ERICH1: variants seen among roughly 807,000 people sequenced by gnomAD.
ERICH1 encodes glutamate-rich protein 1.
In ERICH1, 56 loss-of-function variants were observed where a neutral mutation model predicts 39.6. That is an observed-to-expected ratio of 1.41 (90% CI 1.14 to 1.77). The LOEUF (loss-of-function observed/expected upper bound fraction) is 1.77, where lower values mean the gene tolerates loss of function less well. ERICH1 is among the 40% of genes most tolerant of loss of function. The pLI is 0.00. For missense variants in ERICH1, 826 were observed against 575.4 expected, an observed-to-expected ratio of 1.44 and a Z score of -4.45; for synonymous variants, 313 against 223.6, an observed-to-expected ratio of 1.40 and a Z score of -3.57.
intron 3 of ERICH1, among the ~76,000 whole-genome samples, chr8:618,240 G>A (rs547937980): frequency 2.0e-4 from 31 of 151,300 alleles, no homozygotes; most frequent in Admixed American, 3.3e-4. Context: ...CTGAGTGCTC[G>A]GTACTTGGTC....
At chr8:698,894 T>C (rs1175907947) in intron 2 of ERICH1, among the ~76,000 whole-genome samples, 2 of 121,928 alleles carry the variant, frequency 1.6e-5, no homozygotes, top group Non-Finnish European at 3.3e-5. Context: ...TGGTTGTCTC[T>C]GTGAGTTTTT....
intron 1 of ERICH1, among the ~76,000 whole-genome samples, chr8:727,732 A>AGCCGG (rs932320816): frequency 1.1e-4 from 16 of 152,252 alleles, no homozygotes; most frequent in African/African-American, 3.8e-4. Context: ...CAGAAGGCCC[A>AGCCGG]GCCGGGCCAG....
intron 1 of ERICH1, 113 bp from the exon 2 acceptor site, chr8:716,120 C>G: frequency 7.5e-7 from 1 of 1,326,800 alleles, no homozygotes; most frequent in Non-Finnish European, 1.0e-6. Context: ...AAAGCACCAA[C>G]GGAGACCCAA....
chr8:645,728 GTCCCCCCACC>G lies in ERICH1; in HGVS notation c.976+22860_976+22869del, dbSNP rs1385509665. On this transcript the variant is annotated intron_variant, in intron 3 of 3. Transcript: ENST00000522706. The stretch of plus-strand genomic sequence containing the variant: ...GGCTGGTCTCAAACTCCTGGAAGCA[GTCCCCCCACC>G]TCAGCCTCCCAAAGTGCTGGGATTA... Among the ~76,000 whole-genome samples the G allele has an allele frequency of 7.3e-5, 5 of 68,896 alleles. 2 individuals carry two copies. The highest frequency in any genetic ancestry group is 1.1e-4 in the African/African-American group (3 of 27,336). The allele number at this position is 68,896 out of a possible 152,430, so 45.2% of individuals were successfully genotyped here.
At chr8:660,912 C>T (rs528227429), downstream of ERICH1, among the ~76,000 whole-genome samples, 581 of 152,170 alleles carry the variant, frequency 3.8e-3, 8 homozygotes, top group African/African-American at 0.013. Flanking sequence ...CCTGCTCCTC[C>T]GCTGGGTCCT....
At chr8:660,606 C>T (rs1399960180), downstream of ERICH1, among the ~76,000 whole-genome samples, 2 of 152,156 alleles carry the variant, frequency 1.3e-5, no homozygotes, top group African/African-American at 2.4e-5. Flanking sequence ...CAAATGGTGT[C>T]GTTTCAAGCC....
In ERICH1 at chr8:656,956, A is replaced by C. The variant is rs192533604; in HGVS notation, c.976+11642T>G. 1.0e-4 allele frequency: 67 copies of C among 655,014 alleles called. 1 individual carries two copies. The African/African-American group carries it at 1.2e-3, about 12-fold the overall frequency. The allele number at this position is 655,014 out of a possible 1,614,324, so 40.6% of individuals were successfully genotyped here. A position where few individuals can be genotyped will look rare whatever the true frequency, so the allele number is the denominator to read the frequency against. ...AACCTAAATAATGCATTTTAGTGCA[A>C]AATAATTTTTAAGAGCAAACAATTT... On this transcript the variant is annotated intron_variant, in intron 3 of 3. Coordinates refer to the ERICH1 transcript ENST00000522706.
rs1197580137 is a variant in ERICH1, at chr8:713,378, C to A, written c.169+2483G>T. On this transcript the variant is annotated intron_variant, in intron 2 of 5. Coordinates refer to ENST00000262109, the MANE Select transcript of ERICH1 (RefSeq NM_207332.3). ...GCAGTCATTTACTCCTTAATTGGAA[C>A]GTTATCCTACTACACTGGGAGCTTG... 2.0e-5 allele frequency among the ~76,000 whole-genome samples: 3 copies of A among 152,312 alleles called. No individual in the cohort carries two copies. The South Asian group carries it at 6.2e-4, about 32-fold the overall frequency.
At chr8:696,058 C>T (rs188118380) in intron 2 of ERICH1, among the ~76,000 whole-genome samples, 392 of 19,512 alleles carry the variant, frequency 0.02, 177 homozygotes, top group African/African-American at 0.13. Flanking sequence ...CATCAACCTG[C>T]GCCTGTGCTG....
At chr8:660,002 G>T (rs1801179754), downstream of ERICH1, among the ~76,000 whole-genome samples, 1 of 152,244 alleles carries the variant, frequency 6.6e-6, no homozygotes, top group African/African-American at 2.4e-5. Flanking sequence ...GCCCCCCAAG[G>T]GAAGGGGGCA....
intron 3 of ERICH1, among the ~76,000 whole-genome samples, chr8:631,162 C>A (rs1244967840): frequency 6.6e-6 from 1 of 152,270 alleles, no homozygotes; most frequent in African/African-American, 2.4e-5. Context: ...GCCTCCCCCG[C>A]TGGACATGGC....
chr8:643,329 T>C (rs908426988), intron 3 of ERICH1, among the ~76,000 whole-genome samples: 1 of 152,170 alleles, frequency 6.6e-6, no homozygotes. Flanking sequence ...AGGCGCAGGC[T>C]GCGGTGTGGC....
chr8:632,491 C>T (rs1180657180), intron 3 of ERICH1, among the ~76,000 whole-genome samples: 1 of 152,124 alleles, frequency 6.6e-6, no homozygotes, highest in Non-Finnish European at 1.5e-5. Flanking sequence ...TTTTATTTCT[C>T]ATCTTTATAA....
chr8:673,416 T>C lies in ERICH1; in HGVS notation c.936A>G (p.Glu312=), dbSNP rs763152842. 6.2e-7 allele frequency: 1 copy of C among 1,613,618 alleles called. No individual in the cohort carries two copies. The highest frequency in any genetic ancestry group is 8.5e-7 in the Non-Finnish European group (1 of 1,179,952). The change falls in exon 4 of 6, where the codon GAA becomes GAG. Residue 312 remains glutamate, a synonymous_variant. Coordinates refer to ENST00000262109, the MANE Select transcript of ERICH1 (RefSeq NM_207332.3). ...CCTCCTCCCCGGAGTCTGCACCCTC[T>C]TCCTCCCCAGCCCATGTCGGGTCTT... The part of the protein sequence containing the change: ...SEEDPTWAGE[E]EGADSGEEDG...
rs1358407368 is a variant in ERICH1 at position 649,346 on chromosome 8, C to G, written c.976+19252G>C. ...CATACCTATTTCTTTGCATTTCACC[C>G]TGAAAACAACAAGAATAGAGTTTGC... On this transcript the variant is annotated intron_variant, in intron 3 of 3. Transcript: ENST00000522706. Among the ~76,000 whole-genome samples the G allele has an allele frequency of 1.8e-4, 3 of 16,324 alleles. 1 individual carries two copies. The highest frequency in any genetic ancestry group is 2.7e-3 in the South Asian group (1 of 366). 10.7% of individuals were successfully genotyped at this position (16,324 alleles called of 152,430 possible). A position where few individuals can be genotyped will look rare whatever the true frequency, so the allele number is the denominator to read the frequency against.
chr8:617,511 T>G (rs767764109), intron 3 of ERICH1, among the ~76,000 whole-genome samples: 1 of 152,180 alleles, frequency 6.6e-6, no homozygotes, highest in Non-Finnish European at 1.5e-5. Flanking sequence ...TGCTGAGGGC[T>G]TGGTGCTTGG....
chr8:666,980 A>G (rs1802352711), intron 5 of ERICH1: 1 of 153,380 alleles, frequency 6.5e-6, no homozygotes, highest in Non-Finnish European at 1.4e-5. Flanking sequence ...CCTCTTGGCA[A>G]ATCCTCAGCC....
rs541704508 is a variant in ERICH1 at position 617,067 on chromosome 8, T to A, written c.977-1783A>T. ...AAATAATTCCGGTTCCCACTTTGAC[T>A]CTTTGTCCCAGCCCACCCATGACTG... On this transcript the variant is annotated intron_variant, in intron 3 of 3. Transcript: ENST00000522706. Among the ~76,000 whole-genome samples the A allele has an allele frequency of 2.0e-5, 3 of 152,174 alleles. No individual in the cohort carries two copies. In the East Asian group the frequency reaches 5.8e-4, roughly 29 times the overall value.
chr8:661,320 C>G (rs919996068), downstream of ERICH1, among the ~76,000 whole-genome samples: 1 of 152,140 alleles, frequency 6.6e-6, no homozygotes, highest in African/African-American at 2.4e-5. Flanking sequence ...CAGTTCTGCC[C>G]TGGAGCCTGG....
Sources: gnomAD v4.1 joint callset for allele counts (sites outside exome capture counted in the v4.1 genomes callset) on GRCh38, gnomAD v4.1.1 for gene constraint, MANE v1.5 for transcripts, NCBI Gene and HGNC (gene_info 2026-07-23, HGNC 2026-07-21) for gene names.